Variants in NFASC observed in about 807,000 individuals in gnomAD.
The protein encoded by NFASC is neurofascin homolog.
In NFASC, 43 loss-of-function variants were observed where a neutral mutation model predicts 147.5. The observed-to-expected ratio is 0.29, with a 90% CI of 0.23 to 0.38. The LOEUF is 0.38. NFASC is among the 10% of genes least tolerant of loss of function. The pLI, the probability that NFASC is intolerant of heterozygous loss-of-function variation, is 1.00. For missense variants in NFASC, 1,320 were observed against 1,689.0 expected, an observed-to-expected ratio of 0.78 and a Z score of 3.83; for synonymous variants, 622 against 665.5, an observed-to-expected ratio of 0.93 and a Z score of 1.01.
intron 1 of NFASC, among the ~76,000 whole-genome samples, chr1:204,857,203 T>G (rs1310102824): frequency 6.6e-6 from 1 of 152,224 alleles, no homozygotes. Flanking sequence ...TCTTTTGACT[T>G]GAAGATGACC....
At chr1:204,860,740 C>A (rs1364856136) in intron 1 of NFASC, among the ~76,000 whole-genome samples, 1 of 152,170 alleles carries the variant, frequency 6.6e-6, no homozygotes, top group East Asian at 1.9e-4. Flanking sequence ...TGGTCACTTC[C>A]CATTCTTTCT....
At chr1:204,930,053 T>C (rs1573218548) in intron 2 of NFASC, among the ~76,000 whole-genome samples, 1 of 152,144 alleles carries the variant, frequency 6.6e-6, no homozygotes, top group Non-Finnish European at 1.5e-5. Flanking sequence ...ATCCCTGGGC[T>C]GAAGGCAGAT....
intron 4 of NFASC, among the ~76,000 whole-genome samples, chr1:204,950,996 T>A (rs1472512803): frequency 6.6e-6 from 1 of 152,190 alleles, no homozygotes. Flanking sequence ...CCATGACCCC[T>A]AAGTTCTGAA....
In NFASC at chr1:205,003,720, T is replaced by A. The variant is rs142566258; in HGVS notation, c.3289+972T>A. On this transcript the variant is annotated intron_variant, in intron 27 of 29. Transcript: ENST00000339876. ...GGGAAAAAACACACAGTGATTTACATGAACTTCTGAATGTTGACTTAAATA... is the reference window on the plus strand; with the variant it reads ...GGGAAAAAACACACAGTGATTTACAAGAACTTCTGAATGTTGACTTAAATA... 8.9e-3 allele frequency among the ~76,000 whole-genome samples: 1,351 copies of A among 152,280 alleles called. 5 individuals are homozygous for A. Among genetic ancestry groups the A allele is most frequent in the Middle Eastern group, 0.027 (8 of 294 alleles).
chr1:204,992,301 G>A (rs958822401), intron 24 of NFASC, among the ~76,000 whole-genome samples: 23 of 152,164 alleles, frequency 1.5e-4, no homozygotes, highest in African/African-American at 4.6e-4. Flanking sequence ...GCTGAGGACC[G>A]GGCCAGGAAT....
At chr1:204,850,697 G>A (rs1011304634) in intron 1 of NFASC, among the ~76,000 whole-genome samples, 5 of 152,114 alleles carry the variant, frequency 3.3e-5, no homozygotes, top group African/African-American at 7.2e-5. Context: ...TTCACCTTCC[G>A]CCATGACTGT....
intron 1 of NFASC, chr1:204,871,152 G>A: frequency 1.6e-6 from 2 of 1,216,524 alleles, no homozygotes; most frequent in Non-Finnish European, 2.2e-6. Context: ...AGACTCTGAA[G>A]CGGTGTGTGC....
intron 1 of NFASC, among the ~76,000 whole-genome samples, chr1:204,874,076 T>G (rs111861679): frequency 2.0e-4 from 31 of 152,184 alleles, no homozygotes; most frequent in Non-Finnish European, 3.8e-4. Context: ...ATAAATGAAC[T>G]AATCCATGAA....
chr1:204,876,996 GTA>G (rs60582969), intron 1 of NFASC, among the ~76,000 whole-genome samples: 27,853 of 74,510 alleles, frequency 0.37, 5,302 homozygotes, highest in Non-Finnish European at 0.47. Context: ...GGCTAAATAT[GTA>G]TATATATATA....
intron 1 of NFASC, among the ~76,000 whole-genome samples, chr1:204,891,669 G>C (rs2082415201): frequency 6.6e-6 from 1 of 152,208 alleles, no homozygotes; most frequent in Non-Finnish European, 1.5e-5. Flanking sequence ...ATAGCACTGT[G>C]GATGGGCATC....
chr1:204,922,681 A>G (rs1160987946), intron 2 of NFASC, among the ~76,000 whole-genome samples: 3 of 152,168 alleles, frequency 2.0e-5, no homozygotes, highest in African/African-American at 4.8e-5. Context: ...TCGCTGTGAT[A>G]TCACACTGCC....
chr1:204,973,454 T>G, intron 12 of NFASC, 35 bp downstream of exon 12: 1 of 1,612,084 alleles, frequency 6.2e-7, no homozygotes. Context: ...TTCCCCCTCC[T>G]CTCCACTACT....
At chr1:204,974,075 C>A in intron 12 of NFASC, 104 bp from the exon 13 acceptor site, 1 of 862,596 alleles carries the variant, frequency 1.2e-6, no homozygotes, top group African/African-American at 1.7e-5. Context: ...GTCTCAGTGC[C>A]TGGGAAGCTG....
At chr1:204,930,085 G>A (rs1021848205) in intron 2 of NFASC, among the ~76,000 whole-genome samples, 1 of 152,158 alleles carries the variant, frequency 6.6e-6, no homozygotes, top group Non-Finnish European at 1.5e-5. Context: ...GTGCAGCCAA[G>A]CCAGAGCCTC....
At chr1:204,867,780 C>G (rs2077234350) in intron 1 of NFASC, among the ~76,000 whole-genome samples, 1 of 152,184 alleles carries the variant, frequency 6.6e-6, no homozygotes, top group South Asian at 2.1e-4. Flanking sequence ...CAGGCAGACC[C>G]ACATAGCAGC....
At chr1:204,917,417 T>G (rs1350787399) in intron 1 of NFASC, among the ~76,000 whole-genome samples, 1 of 152,260 alleles carries the variant, frequency 6.6e-6, no homozygotes, top group Non-Finnish European at 1.5e-5. Flanking sequence ...GAAACTTATG[T>G]ATCCATCATC....
intron 2 of NFASC, among the ~76,000 whole-genome samples, chr1:204,934,802 G>T (rs1200258090): frequency 6.6e-6 from 1 of 152,202 alleles, no homozygotes; most frequent in Non-Finnish European, 1.5e-5. Context: ...AAACTAATCA[G>T]GGCCCAGCCC....
chr1:204,905,405 A>C (rs2149252819), intron 1 of NFASC, among the ~76,000 whole-genome samples: 1 of 151,934 alleles, frequency 6.6e-6, no homozygotes, highest in South Asian at 2.1e-4. Context: ...TCTAATAGAT[A>C]TGAGAAGGTG....
At chr1:204,998,904 T>C (rs1322807933) in intron 25 of NFASC, 4 of 152,204 alleles carry the variant, frequency 2.6e-5, no homozygotes, top group African/African-American at 9.7e-5. Context: ...TCAAGTTCTG[T>C]GAGACGCTGC....
Sources: gnomAD v4.1 joint callset for allele counts (sites outside exome capture counted in the v4.1 genomes callset) on GRCh38, gnomAD v4.1.1 for gene constraint, MANE v1.5 for transcripts, NCBI Gene and HGNC (gene_info 2026-07-23, HGNC 2026-07-21) for gene names.